Variants in TBC1D8 observed in about 807,000 individuals in gnomAD.
The protein encoded by TBC1D8 is BUB2-like protein 1.
TBC1D8 carries 65 observed loss-of-function variants against 118.8 expected under a neutral mutation model. The ratio of observed to expected loss-of-function variants is 0.55; its 90% confidence interval spans 0.45 to 0.67. The LOEUF (loss-of-function observed/expected upper bound fraction) is 0.67. TBC1D8 is among the 30% of genes least tolerant of loss of function. The probability of loss-of-function intolerance (pLI) is 0.00; values close to 1 mark genes in which losing one functional copy is unlikely to be tolerated. For synonymous variants in TBC1D8, 566 were observed against 595.8 expected (o/e 0.95, Z 0.73); for missense variants, 1,376 against 1,471.2 (o/e 0.94, Z 1.06).
intron 2 of TBC1D8, among the ~76,000 whole-genome samples, chr2:101,085,401 A>G (rs962409561): frequency 6.6e-6 from 1 of 152,074 alleles, no homozygotes; most frequent in Non-Finnish European, 1.5e-5. Flanking sequence ...GAGAAAAAAA[A>G]TACTCATATC....
rs560068293 is a variant in TBC1D8 at position 101,144,401 on chromosome 2, G to A, written c.127+6726C>T. Among the ~76,000 whole-genome samples the A allele has an allele frequency of 4.6e-5, 7 of 152,126 alleles. No individual in the cohort carries two copies. The South Asian group carries it at 6.2e-4, about 14-fold the overall frequency. On this transcript the variant is annotated intron_variant, in intron 1 of 19. Transcript: ENST00000409318. ...AAGAATTAGCCAGATGCTTGGGGGT[G>A]GGGGAGGAGACAGCCATGAGGGGCC...
intron 2 of TBC1D8, among the ~76,000 whole-genome samples, chr2:101,062,357 C>T (rs1682800734): frequency 6.6e-6 from 1 of 151,256 alleles, no homozygotes; most frequent in African/African-American, 2.4e-5. Context: ...TTTTATGGGA[C>T]CTCGATCTTT....
At chr2:101,076,921 G>C (rs1674869979) in intron 2 of TBC1D8, among the ~76,000 whole-genome samples, 1 of 152,182 alleles carries the variant, frequency 6.6e-6, no homozygotes, top group African/African-American at 2.4e-5. Flanking sequence ...TCTGCTTCTG[G>C]GGAGCCTCAG....
chr2:101,009,009 T>C (rs1678967838), intron 19 of TBC1D8, among the ~76,000 whole-genome samples: 2 of 152,200 alleles, frequency 1.3e-5, no homozygotes, highest in Non-Finnish European at 2.9e-5. Flanking sequence ...CAGTGTAATC[T>C]GAGACACTGC....
rs754201572 is a variant in TBC1D8 at position 101,040,162 on chromosome 2, A to T, written c.1080+16T>A. The T allele has an allele frequency of 6.2e-7, 1 of 1,612,120 alleles. No homozygotes were observed. Among genetic ancestry groups the T allele is most frequent in the East Asian group, 2.2e-5 (1 of 44,842 alleles). On this transcript the variant is annotated intron_variant, in intron 6 of 19. Coordinates refer to ENST00000409318, the MANE Select transcript of TBC1D8 (RefSeq NM_001330348.2). ...CAAAAGGCTGCTTCGGGAAGCAGAC[A>T]GTAGGGCCAGTCTACCTCTCTGAGT...
intron 1 of TBC1D8, among the ~76,000 whole-genome samples, chr2:101,095,736 AGT>A (rs997520107): frequency 2.0e-5 from 3 of 152,124 alleles, no homozygotes; most frequent in Non-Finnish European, 4.4e-5. Flanking sequence ...CAGCCAGAGA[AGT>A]ATTTTCTAGA....
chr2:101,035,225 C>G (rs887322567), intron 9 of TBC1D8, among the ~76,000 whole-genome samples: 8 of 152,158 alleles, frequency 5.3e-5, no homozygotes, highest in African/African-American at 1.9e-4. Flanking sequence ...ACCCTCTCAC[C>G]TGGCCTCCCA....
intron 1 of TBC1D8, among the ~76,000 whole-genome samples, chr2:101,120,042 C>T (rs1678025957): frequency 6.6e-6 from 1 of 152,184 alleles, no homozygotes; most frequent in Non-Finnish European, 1.5e-5. Context: ...CTCATGCCTT[C>T]ACTCCATGTC....
chr2:101,090,179 T>C, intron 2 of TBC1D8, 30 bp downstream of exon 2: 1 of 1,597,288 alleles, frequency 6.3e-7, no homozygotes, highest in East Asian at 2.3e-5. Context: ...ACCTTAAGGT[T>C]TGGAACATTC....
chr2:101,044,281 A>G (rs1309700159), intron 5 of TBC1D8, among the ~76,000 whole-genome samples: 1 of 152,242 alleles, frequency 6.6e-6, no homozygotes, highest in Non-Finnish European at 1.5e-5. Context: ...AATATGTATT[A>G]TATACAAGAT....
At chr2:101,034,635 A>ATG (rs1491531366) in intron 9 of TBC1D8, among the ~76,000 whole-genome samples, 3 of 152,000 alleles carry the variant, frequency 2.0e-5, no homozygotes, top group Non-Finnish European at 4.4e-5. Context: ...CTGTGCAGGC[A>ATG]TGTGTGTGTG....
intron 17 of TBC1D8, among the ~76,000 whole-genome samples, chr2:101,014,428 A>G (rs1184619019): frequency 2.6e-5 from 4 of 152,210 alleles, no homozygotes; most frequent in Non-Finnish European, 5.9e-5. Flanking sequence ...ACTGGAATCT[A>G]AACTACCATT....
chr2:101,038,573 T>C lies in TBC1D8; in HGVS notation c.1163A>G (p.Gln388Arg), dbSNP rs1237701538. The C allele has an allele frequency of 4.3e-6, 7 of 1,613,718 alleles. No homozygotes were observed. The highest frequency in any genetic ancestry group is 5.9e-6 in the Non-Finnish European group (7 of 1,179,884). ...GTCTCGGTCCCGGAGCTCAATGAAC[T>C]GGAAGGCCACCTTGCTTCTGATACT... ...IVSIRSKVAF[Q>R]FIELRDRDSL... Residue 388 changes from glutamine to arginine, a missense_variant, in exon 7 of 20, where the codon CAG becomes CGG. Gln to Arg is a conservative substitution (Grantham distance 43, BLOSUM62 1). Coordinates refer to ENST00000409318, the MANE Select transcript of TBC1D8 (RefSeq NM_001330348.2).
chr2:101,019,067 C>T, intron 17 of TBC1D8: 1 of 1,602,508 alleles, frequency 6.2e-7, no homozygotes, highest in South Asian at 1.1e-5. Flanking sequence ...TGGATGAGGC[C>T]TTGGGTCTCG....
At chr2:101,149,651 G>C (rs1205935821) in intron 1 of TBC1D8, among the ~76,000 whole-genome samples, 1 of 152,126 alleles carries the variant, frequency 6.6e-6, no homozygotes. Flanking sequence ...CATAAATAAA[G>C]ATACACTGCC....
At chr2:101,035,199 G>A (rs975401334) in intron 9 of TBC1D8, among the ~76,000 whole-genome samples, 1 of 152,110 alleles carries the variant, frequency 6.6e-6, no homozygotes, top group African/African-American at 2.4e-5. Flanking sequence ...GCGCCATGGG[G>A]TCATCTGGGG....
intron 5 of TBC1D8, among the ~76,000 whole-genome samples, chr2:101,048,139 G>A (rs1434906979): frequency 6.6e-6 from 1 of 152,194 alleles, no homozygotes; most frequent in Non-Finnish European, 1.5e-5. Context: ...GCTTCAAATG[G>A]TGCTCCTGTG....
At chr2:101,092,911 C>T (rs1445244132) in intron 1 of TBC1D8, among the ~76,000 whole-genome samples, 2 of 152,092 alleles carry the variant, frequency 1.3e-5, no homozygotes, top group Non-Finnish European at 2.9e-5. Context: ...TATGTGTGTA[C>T]AGCTGACCCT....
At chr2:101,117,517 G>A (rs907723451) in intron 1 of TBC1D8, among the ~76,000 whole-genome samples, 6 of 152,074 alleles carry the variant, frequency 3.9e-5, no homozygotes, top group Admixed American at 2.6e-4. Context: ...CAGATTCAGC[G>A]GGGAGGCACT....
Sources: gnomAD v4.1 joint callset for allele counts (sites outside exome capture counted in the v4.1 genomes callset) on GRCh38, gnomAD v4.1.1 for gene constraint, MANE v1.5 for transcripts, NCBI Gene and HGNC (gene_info 2026-07-23, HGNC 2026-07-21) for gene names.